RAB3C: variants seen among roughly 807,000 people sequenced by gnomAD.
RAB3C encodes the protein ras-related protein Rab-3C.
In RAB3C, 17 loss-of-function variants were observed where a neutral mutation model predicts 26.4. The observed-to-expected ratio is 0.64, with a 90% CI of 0.44 to 0.97. RAB3C has a LOEUF of 0.97. RAB3C is among the 50% of genes least tolerant of loss of function. The probability of loss-of-function intolerance (pLI) is 0.00; values close to 1 mark genes in which losing one functional copy is unlikely to be tolerated. For synonymous variants in RAB3C, 91 were observed against 95.9 expected, an observed-to-expected ratio of 0.95 and a Z score of 0.30; for missense variants, 242 against 281.9, an observed-to-expected ratio of 0.86 and a Z score of 1.01.
chr5:58,767,018 G>C (rs1045073487), intron 3 of RAB3C, among the ~76,000 whole-genome samples: 1 of 64,040 alleles, frequency 1.6e-5, no homozygotes. Context: ...TATAGCCAGC[G>C]GGGGGGACTC....
intron 2 of RAB3C, among the ~76,000 whole-genome samples, chr5:58,708,906 A>G (rs982558368): frequency 6.6e-6 from 1 of 152,242 alleles, no homozygotes; most frequent in African/African-American, 2.4e-5. Flanking sequence ...TATTTCTCCA[A>G]CAATAACATT....
chr5:58,702,580 CTTTCTT>C (rs1748868401), intron 2 of RAB3C, among the ~76,000 whole-genome samples: 1 of 96,944 alleles, frequency 1.0e-5, no homozygotes, highest in Admixed American at 9.1e-5. Context: ...CTCTCTCTCT[CTTTCTT>C]TTTCTTTCTC....
intron 2 of RAB3C, among the ~76,000 whole-genome samples, chr5:58,684,848 T>C (rs552452171): frequency 6.6e-6 from 1 of 152,332 alleles, no homozygotes; most frequent in Admixed American, 6.5e-5. Context: ...TTTACCGCCA[T>C]GTGGGCTCCT....
At chr5:58,667,522 C>T (rs1327451433) in intron 2 of RAB3C, among the ~76,000 whole-genome samples, 1 of 152,114 alleles carries the variant, frequency 6.6e-6, no homozygotes, top group African/African-American at 2.4e-5. Context: ...ACCCCAGACT[C>T]CTGTTGCCTA....
intron 2 of RAB3C, among the ~76,000 whole-genome samples, chr5:58,688,262 C>G (rs1225634040): frequency 6.6e-6 from 1 of 152,072 alleles, no homozygotes; most frequent in East Asian, 1.9e-4. Context: ...GCCTGGCTGG[C>G]TGAAGGTTTT....
chr5:58,623,229 A>T (rs527436105), intron 2 of RAB3C, among the ~76,000 whole-genome samples: 1 of 152,334 alleles, frequency 6.6e-6, no homozygotes, highest in East Asian at 1.9e-4. Flanking sequence ...GAGAACGTGA[A>T]CATAAAGAAA....
intron 3 of RAB3C, among the ~76,000 whole-genome samples, chr5:58,755,527 G>A: frequency 6.6e-6 from 1 of 152,156 alleles, no homozygotes; most frequent in Middle Eastern, 3.2e-3. Flanking sequence ...CTAGGGGCTA[G>A]ACAAGACTAC....
At chr5:58,773,918 A>G (rs147016683) in intron 3 of RAB3C, among the ~76,000 whole-genome samples, 13 of 152,114 alleles carry the variant, frequency 8.5e-5, no homozygotes, top group East Asian at 3.9e-4. Context: ...CACCAGGACA[A>G]CCTCAGCTGG....
intron 2 of RAB3C, among the ~76,000 whole-genome samples, chr5:58,702,632 C>G (rs1295649932): frequency 6.6e-6 from 1 of 152,012 alleles, no homozygotes; most frequent in Non-Finnish European, 1.5e-5. Flanking sequence ...TCTTTCTCCT[C>G]CTCTTCCATC....
chr5:58,622,689 A>G (rs1277285765), intron 2 of RAB3C, among the ~76,000 whole-genome samples: 1 of 152,254 alleles, frequency 6.6e-6, no homozygotes, highest in African/African-American at 2.4e-5. Flanking sequence ...GTGCTGACCC[A>G]TAAAATAAGC....
chr5:58,652,369 C>T (rs1286745197), intron 2 of RAB3C, among the ~76,000 whole-genome samples: 4 of 151,668 alleles, frequency 2.6e-5, no homozygotes, highest in Non-Finnish European at 5.9e-5. Flanking sequence ...ATAGTGTCTA[C>T]AATCAATTTA....
chr5:58,764,968 G>A (rs1263227767), intron 3 of RAB3C, among the ~76,000 whole-genome samples: 1 of 151,984 alleles, frequency 6.6e-6, no homozygotes, highest in Non-Finnish European at 1.5e-5. Context: ...GCATATGATA[G>A]TTATTATTTT....
intron 1 of RAB3C, among the ~76,000 whole-genome samples, chr5:58,608,859 T>TA (rs1746629367): frequency 1.3e-5 from 2 of 152,050 alleles, no homozygotes; most frequent in African/African-American, 2.4e-5. Flanking sequence ...TATGCAGCCA[T>TA]AAAAAAGGAT....
chr5:58,740,110 C>T (rs76032385), intron 3 of RAB3C, among the ~76,000 whole-genome samples: 1,802 of 152,252 alleles, frequency 0.012, 37 homozygotes, highest in African/African-American at 0.041. Flanking sequence ...GTTGTTGGGC[C>T]AGCCATGCCT....
At chr5:58,646,282 G>A (rs1467725941) in intron 2 of RAB3C, among the ~76,000 whole-genome samples, 4 of 152,084 alleles carry the variant, frequency 2.6e-5, no homozygotes, top group East Asian at 1.9e-4. Flanking sequence ...TCAGTCTCTC[G>A]AGAAGCATAA....
chr5:58,845,821 C>G (rs530676233), intron 4 of RAB3C, among the ~76,000 whole-genome samples: 2 of 151,670 alleles, frequency 1.3e-5, no homozygotes, highest in Admixed American at 1.3e-4. Flanking sequence ...TTTCATAACC[C>G]CAGAAAGAAG....
intron 3 of RAB3C, among the ~76,000 whole-genome samples, chr5:58,746,030 G>A (rs1450350858): frequency 6.6e-6 from 1 of 152,140 alleles, no homozygotes; most frequent in African/African-American, 2.4e-5. Flanking sequence ...TGACTGCTTT[G>A]ATACTTTCCA....
chr5:58,633,923 G>C (rs1443099320), intron 2 of RAB3C, among the ~76,000 whole-genome samples: 4 of 151,564 alleles, frequency 2.6e-5, no homozygotes, highest in African/African-American at 9.7e-5. Flanking sequence ...ATGAGGTCCA[G>C]AGATTGAGAC....
Position 58,681,956 on chromosome 5 carries a change from T to C in RAB3C, c.253-44046T>C, listed in dbSNP as rs151067598. Among the ~76,000 whole-genome samples the C allele has an allele frequency of 8.4e-3, 1,275 of 152,328 alleles. 15 individuals carry two copies. Among genetic ancestry groups the C allele is most frequent in the African/African-American group, 0.029 (1,210 of 41,566 alleles). ...AGGCTGTGCAAAGGAAACACCTTTG[T>C]GATTTATCAGCTGATTTGCTGTGGG... On this transcript the variant is annotated intron_variant, in intron 2 of 4. Transcript: ENST00000282878.
Sources: allele counts gnomAD v4.1 joint callset (sites outside exome capture counted in the v4.1 genomes callset), GRCh38; gene constraint gnomAD v4.1.1; transcripts MANE v1.5; gene names NCBI Gene and HGNC (gene_info 2026-07-23, HGNC 2026-07-21).